Variants in XIRP2 observed in about 807,000 individuals in gnomAD.
XIRP2 encodes xin actin binding repeat containing 2, also known as xin actin-binding repeat-containing protein 2.
In XIRP2, 236 loss-of-function variants were observed where a neutral mutation model predicts 277.0. That is an observed-to-expected ratio of 0.85 (90% CI 0.77 to 0.95). XIRP2 has a LOEUF of 0.95. XIRP2 is among the 40% of genes least tolerant of loss of function. The probability of loss-of-function intolerance (pLI) is 0.00; values close to 1 mark genes in which losing one functional copy is unlikely to be tolerated. For synonymous variants in XIRP2, 1,490 were observed against 1,416.5 expected (o/e 1.05, Z -1.17); for missense variants, 4,640 against 4,157.5 (o/e 1.12, Z -3.19).
intron 2 of XIRP2, among the ~76,000 whole-genome samples, chr2:167,018,842 A>G (rs1177046515): frequency 3.3e-5 from 5 of 152,032 alleles, no homozygotes; most frequent in African/African-American, 1.2e-4. Flanking sequence ...TCCCTTTCTC[A>G]GTATCCGTAG....
Position 167,250,921 on chromosome 2 carries a change from A to G in XIRP2, c.9529A>G (p.Ser3177Gly), listed in dbSNP as rs1372359850. The change falls in exon 9 of 11, where the codon AGT (serine) becomes GGT (glycine). Residue 3177 changes from serine to glycine, a missense_variant. Coordinates refer to ENST00000409195, the MANE Select transcript of XIRP2 (RefSeq NM_152381.6). ...RANTSPSPPRSRSEQLVRLKD... is the reference protein window; with the variant it reads ...RANTSPSPPRGRSEQLVRLKD... ...AAACACTTCCCCTTCTCCACCCAGG[A>G]GTCGCTCTGAACAACTTGTCAGACT... 6.2e-7 allele frequency: 1 copy of G among 1,613,410 alleles called. No homozygotes were observed. Among genetic ancestry groups the G allele is most frequent in the African/African-American group, 1.3e-5 (1 of 74,798 alleles).
chr2:167,076,981 C>T (rs572494672), intron 2 of XIRP2, among the ~76,000 whole-genome samples: 7 of 151,816 alleles, frequency 4.6e-5, no homozygotes, highest in Non-Finnish European at 8.8e-5. Context: ...CAGGCACATG[C>T]CCCCCTACTT....
intron 2 of XIRP2, among the ~76,000 whole-genome samples, chr2:167,092,798 G>GTA (rs1399003454): frequency 6.6e-5 from 10 of 152,082 alleles, no homozygotes; most frequent in Admixed American, 3.3e-4. Flanking sequence ...TTTGTGAGTT[G>GTA]TAGAGAGTGA....
chr2:167,201,122 T>C (rs1269472603), intron 3 of XIRP2, among the ~76,000 whole-genome samples: 3 of 143,462 alleles, frequency 2.1e-5, no homozygotes, highest in Non-Finnish European at 1.5e-5. Context: ...TGAGGCTTTG[T>C]CAAGAAAGAG....
At chr2:167,022,199 A>G (rs1239612190) in intron 2 of XIRP2, among the ~76,000 whole-genome samples, 1 of 152,126 alleles carries the variant, frequency 6.6e-6, no homozygotes, top group Non-Finnish European at 1.5e-5. Flanking sequence ...GTAATGTATG[A>G]AATTGTATGG....
intron 2 of XIRP2, among the ~76,000 whole-genome samples, chr2:166,906,058 G>A (rs1684515610): frequency 1.3e-5 from 2 of 151,764 alleles, no homozygotes; most frequent in South Asian, 4.2e-4. Flanking sequence ...CTATAACTCT[G>A]ACATTTATGT....
At position 167,249,421 on chromosome 2, in the gene XIRP2, C is replaced by T. The variant is rs770238190; in HGVS notation, c.8029C>T (p.Gln2677Ter). Residue 2677 changes from glutamine to a stop codon, truncating the protein, a stop_gained, in exon 9 of 11, where the codon CAA becomes TAA. Transcript: ENST00000409195. LOFTEE classifies it high-confidence loss of function. The part of the protein sequence containing the change: ...MQSKSACEIK[Q>*]SHQECSTQQT... ...ATCCAAATCAGCTTGCGAAATTAAA[C>T]AAAGTCACCAAGAATGTAGTACCCA... 9.3e-6 allele frequency: 15 copies of T among 1,613,632 alleles called. No individual in the cohort carries two copies. The highest frequency in any genetic ancestry group is 1.3e-5 in the Non-Finnish European group (15 of 1,179,832).
In XIRP2 at chr2:166,903,742, C is replaced by T. The variant is rs1290167073; in HGVS notation, c.260C>T (p.Thr87Ile). The T allele has an allele frequency of 6.2e-7, 1 of 1,613,502 alleles. No homozygotes were observed. The highest frequency in any genetic ancestry group is 8.5e-7 in the Non-Finnish European group (1 of 1,179,790). ...GATTCTGTGGACAAGAGTAACAACA[C>T]CAGGGAATATGGTCGGCCAGAAGTG... ...EKDSVDKSNN[T>I]REYGRPEVLK... Residue 87 changes from threonine (T) to isoleucine (I), a missense_variant, in exon 2 of 11, where the codon ACC becomes ATC. Physicochemically the swap from Thr to Ile is moderately conservative, Grantham distance 89. Coordinates refer to ENST00000409195, the MANE Select transcript of XIRP2 (RefSeq NM_152381.6).
At chr2:167,222,797 C>A (rs1235785846) in intron 5 of XIRP2, among the ~76,000 whole-genome samples, 1 of 152,166 alleles carries the variant, frequency 6.6e-6, no homozygotes, top group East Asian at 1.9e-4. Flanking sequence ...TGCCTCTCTC[C>A]TGAGTTACTT....
intron 2 of XIRP2, among the ~76,000 whole-genome samples, chr2:167,067,216 T>A (rs1689322984): frequency 6.6e-6 from 1 of 152,148 alleles, no homozygotes; most frequent in Non-Finnish European, 1.5e-5. Context: ...GGTCTGTTTA[T>A]TTATTTTGGT....
intron 2 of XIRP2, among the ~76,000 whole-genome samples, chr2:167,134,265 CAT>C (rs954199802): frequency 1.3e-5 from 2 of 150,896 alleles, no homozygotes; most frequent in African/African-American, 4.9e-5. Context: ...TATATCTTCA[CAT>C]ATACTTATGT....
chr2:166,895,682 A>T (rs1166900543), intron 1 of XIRP2, among the ~76,000 whole-genome samples: 1 of 152,164 alleles, frequency 6.6e-6, no homozygotes, highest in African/African-American at 2.4e-5. Context: ...ATTGTATTTT[A>T]ACATACACAG....
intron 2 of XIRP2, among the ~76,000 whole-genome samples, chr2:166,948,076 G>C (rs1351361104): frequency 4.6e-5 from 7 of 152,090 alleles, no homozygotes; most frequent in Non-Finnish European, 7.4e-5. Flanking sequence ...AGGATGAATA[G>C]AAGTAGCACA....
At chr2:166,940,549 GCT>G (rs1685676633) in intron 2 of XIRP2, among the ~76,000 whole-genome samples, 1 of 152,166 alleles carries the variant, frequency 6.6e-6, no homozygotes, top group South Asian at 2.1e-4. Flanking sequence ...CAGCTTTTCT[GCT>G]CTGTTTTTCC....
chr2:167,057,438 T>C (rs1253638822), intron 2 of XIRP2, among the ~76,000 whole-genome samples: 1 of 152,178 alleles, frequency 6.6e-6, no homozygotes, highest in Non-Finnish European at 1.5e-5. Flanking sequence ...GACTTCTAGA[T>C]AATAACCATC....
At chr2:166,997,464 A>T (rs79909280) in intron 2 of XIRP2, among the ~76,000 whole-genome samples, 3 of 152,240 alleles carry the variant, frequency 2.0e-5, no homozygotes, top group Non-Finnish European at 4.4e-5. Context: ...TGTATCATTC[A>T]CATAGAGAAT....
At chr2:167,140,957 T>G (rs769085466) in intron 3 of XIRP2, 4 of 152,146 alleles carry the variant, frequency 2.6e-5, no homozygotes, top group African/African-American at 7.2e-5. Context: ...GAGTTTGCTA[T>G]TCTGAGGACT....
intron 3 of XIRP2, among the ~76,000 whole-genome samples, chr2:167,165,937 T>C (rs1207570831): frequency 2.6e-5 from 4 of 152,238 alleles, no homozygotes; most frequent in African/African-American, 9.6e-5. Flanking sequence ...GATTTTGTAT[T>C]ATCTTACCTT....
At position 167,067,599 on chromosome 2, in the gene XIRP2, A is replaced by G. The variant is rs141970874; in HGVS notation, c.409-68310A>G. ...TACTGTCAGCTATTTTTATGCAATT[A>G]TGCCAGAAAAAACATATCTTAATTT... On this transcript the variant is annotated intron_variant, in intron 2 of 10. Transcript: ENST00000409195. 2.5e-3 allele frequency among the ~76,000 whole-genome samples: 374 copies of G among 152,276 alleles called. 2 individuals carry two copies. Among genetic ancestry groups the G allele is most frequent in the African/African-American group, 8.5e-3 (355 of 41,538 alleles).
Sources: gnomAD v4.1 joint callset for allele counts (sites outside exome capture counted in the v4.1 genomes callset) on GRCh38, gnomAD v4.1.1 for gene constraint, MANE v1.5 for transcripts, NCBI Gene and HGNC (gene_info 2026-07-23, HGNC 2026-07-21) for gene names.